USP15: variants seen among roughly 807,000 people sequenced by gnomAD.
USP15 encodes ubiquitin carboxyl-terminal hydrolase 15.
A neutral mutation model predicts 127.1 loss-of-function variants in USP15; 18 were observed. That is an observed-to-expected ratio of 0.14 (90% confidence interval 0.10 to 0.21). USP15 has a LOEUF of 0.21. USP15 is among the 10% of genes least tolerant of loss of function. The probability of loss-of-function intolerance (pLI) is 1.00; values close to 1 mark genes in which losing one functional copy is unlikely to be tolerated. For synonymous variants in USP15, 364 were observed against 393.7 expected (o/e 0.92, Z 0.89); for missense variants, 805 against 1,159.9 (o/e 0.69, Z 4.44).
intron 8 of USP15, among the ~76,000 whole-genome samples, chr12:62,364,369 G>A (rs1353748299): frequency 6.6e-6 from 1 of 152,136 alleles, no homozygotes; most frequent in Non-Finnish European, 1.5e-5. Context: ...ATTCAGAATA[G>A]TATAAATGTA....
intron 1 of USP15, among the ~76,000 whole-genome samples, chr12:62,283,769 C>T (rs1359507562): frequency 6.6e-6 from 1 of 152,118 alleles, no homozygotes; most frequent in East Asian, 1.9e-4. Flanking sequence ...ATGGCAAAAC[C>T]CGGTCTTTAC....
intron 6 of USP15, among the ~76,000 whole-genome samples, chr12:62,344,418 C>G (rs1451299569): frequency 1.3e-5 from 2 of 152,196 alleles, no homozygotes; most frequent in Non-Finnish European, 2.9e-5. Context: ...AGGTGGGCTC[C>G]CACAGCCTTG....
intron 8 of USP15, among the ~76,000 whole-genome samples, chr12:62,381,029 C>A (rs2066977070): frequency 6.6e-6 from 1 of 151,996 alleles, no homozygotes; most frequent in Non-Finnish European, 1.5e-5. Context: ...TTAAAGGCTG[C>A]TCTTTCATGA....
chr12:62,334,044 C>G (rs973478248), intron 6 of USP15: 1 of 152,034 alleles, frequency 6.6e-6, no homozygotes, highest in Non-Finnish European at 1.5e-5. Context: ...TCAAACTACT[C>G]CAGCAAAAGA....
chr12:62,414,443 T>G lies in USP15; in HGVS notation c.*10068T>G, dbSNP rs2068108580. Reference sequence around the variant, plus strand: ...GCAGCCTCCAGCCTCTGGGCTCAAGTGGTCCTCCCACCTCAGCCTCCGAAG... The same window carrying G: ...GCAGCCTCCAGCCTCTGGGCTCAAGGGGTCCTCCCACCTCAGCCTCCGAAG... On this transcript the variant is annotated 3_prime_UTR_variant, in exon 22 of 22. Transcript: ENST00000280377. 1 of 152,276 alleles carries G rather than the reference T, an allele frequency of 6.6e-6. No homozygotes were observed. Among genetic ancestry groups the G allele is most frequent in the African/African-American group, 2.4e-5 (1 of 41,434 alleles). The allele number at this position is 152,276 out of a possible 1,614,324, so 9.4% of individuals were successfully genotyped here.
chr12:62,262,921 AG>A (rs1176057718), intron 1 of USP15, among the ~76,000 whole-genome samples: 2 of 152,244 alleles, frequency 1.3e-5, no homozygotes, highest in African/African-American at 4.8e-5. Flanking sequence ...TTTCTCTTAA[AG>A]GAAAAAAACT....
chr12:62,399,831 G>A (rs181862067), intron 20 of USP15, among the ~76,000 whole-genome samples: 136 of 152,166 alleles, frequency 8.9e-4, no homozygotes, highest in Non-Finnish European at 7.8e-4. Context: ...TTGGCTGGTC[G>A]GTTGATTGGC....
intron 11 of USP15, among the ~76,000 whole-genome samples, chr12:62,385,381 A>G (rs2137586358): frequency 6.6e-6 from 1 of 152,088 alleles, no homozygotes; most frequent in South Asian, 2.1e-4. Flanking sequence ...TGATCTTACC[A>G]TTCAGGGATG....
intron 6 of USP15, among the ~76,000 whole-genome samples, chr12:62,326,299 A>G (rs530970839): frequency 1.4e-4 from 21 of 152,202 alleles, no homozygotes; most frequent in Non-Finnish European, 2.9e-4. Flanking sequence ...TGTGAAAGTA[A>G]TATATTTATT....
chr12:62,362,909 A>G (rs550879220), intron 8 of USP15, among the ~76,000 whole-genome samples: 2 of 152,310 alleles, frequency 1.3e-5, no homozygotes, highest in African/African-American at 4.8e-5. Flanking sequence ...GCTTTGACCA[A>G]AGAATATGTA....
chr12:62,379,934 G>T lies in USP15; in HGVS notation c.916-1556G>T, dbSNP rs2066938458. On this transcript the variant is annotated intron_variant, in intron 8 of 21. Transcript: ENST00000280377. ...AAACTCAAAAGGAGTATAAGATTAT[G>T]AGAGAGGTTGAGATCTAAGAGGTAA... 3.3e-5 allele frequency among the ~76,000 whole-genome samples: 5 copies of T among 152,022 alleles called. No individual in the cohort carries two copies. In the South Asian group the frequency reaches 1.0e-3, roughly 32 times the overall value.
At position 62,407,307 on chromosome 12, in the gene USP15, A is replaced by G. The variant is rs1274166547; in HGVS notation, c.*2932A>G. ...ACACAATTGCTATGGGGTAGAGCCA[A>G]TATTCTATCCTCAGATATATACTAC... On this transcript the variant is annotated 3_prime_UTR_variant, in exon 22 of 22. Coordinates refer to ENST00000280377, the MANE Select transcript of USP15 (RefSeq NM_001252078.2). 1.3e-5 allele frequency: 2 copies of G among 152,222 alleles called. No homozygotes were observed. The allele number at this position is 152,222 out of a possible 1,614,324, so 9.4% of individuals were successfully genotyped here.
intron 1 of USP15, among the ~76,000 whole-genome samples, chr12:62,286,357 A>G (rs908757884): frequency 7.9e-5 from 12 of 152,216 alleles, no homozygotes; most frequent in African/African-American, 2.9e-4. Context: ...TGAAATGGCT[A>G]TTATTAAAAA....
At position 62,294,306 on chromosome 12, in the gene USP15, G is replaced by A; in HGVS notation, c.217G>A (p.Asp73Asn). The A allele has an allele frequency of 6.2e-7, 1 of 1,602,916 alleles. No individual in the cohort carries two copies. Among genetic ancestry groups the A allele is most frequent in the Non-Finnish European group, 8.5e-7 (1 of 1,177,074 alleles). ...GPIDNSGLLK[D>N]GDAQSLKEHL... ...CATTGATAACTCTGGACTTCTCAAAGGTCATTATTTTCTTCCTTCAGTCAA... is the reference window on the plus strand; with the variant it reads ...CATTGATAACTCTGGACTTCTCAAAAGTCATTATTTTCTTCCTTCAGTCAA... Residue 73 changes from aspartate to asparagine, a missense_variant and splice_region_variant, in exon 2 of 22, where the codon GAT becomes AAT. Around this residue, in one of 11 missense-constraint regions of USP15, gnomAD observed 69 missense variants for 126.4 expected, o/e 0.55. Transcript: ENST00000280377.
At position 62,383,843 on chromosome 12, in the gene USP15, C is replaced by A; in HGVS notation, c.1093C>A (p.Gln365Lys). Residue 365 changes from glutamine (Q) to lysine (K), a missense_variant, in exon 10 of 22, where the codon CAG (glutamine) becomes AAG (lysine). Transcript: ENST00000280377. ...SYVTPRAFKT[Q>K]VGRFAPQFSG... ...GATGGTTTTGCATTTCTTACAGACA[C>A]AGGTAGGACGTTTTGCACCTCAGTT... The A allele has an allele frequency of 6.2e-7, 1 of 1,611,274 alleles. No homozygotes were observed. Among genetic ancestry groups the A allele is most frequent in the Non-Finnish European group, 8.5e-7 (1 of 1,178,440 alleles).
chr12:62,306,156 C>T (rs2064478553), intron 3 of USP15: 1 of 152,198 alleles, frequency 6.6e-6, no homozygotes, highest in African/African-American at 2.4e-5. Flanking sequence ...AGAAACTCTA[C>T]ACCAAATCAA....
rs540540492 is a variant in USP15 at position 62,319,643 on chromosome 12, C to T, written c.476-1821C>T. Among the ~76,000 whole-genome samples the T allele has an allele frequency of 5.3e-5, 8 of 152,232 alleles. No individual in the cohort carries two copies. In the East Asian group the frequency reaches 1.3e-3, roughly 26 times the overall value. Reference sequence around the variant, plus strand: ...GCACATTTGCACCTCAAGGCTTTTGCGTTACTACCCCTATGCCTGTAATGT... The same window carrying T: ...GCACATTTGCACCTCAAGGCTTTTGTGTTACTACCCCTATGCCTGTAATGT... On this transcript the variant is annotated intron_variant, in intron 4 of 21. Transcript: ENST00000280377.
chr12:62,387,131 A>G (rs1592714292), intron 11 of USP15, among the ~76,000 whole-genome samples: 1 of 152,202 alleles, frequency 6.6e-6, no homozygotes, highest in South Asian at 2.1e-4. Context: ...TTACAGATGC[A>G]TGAGGAACAC....
Position 62,408,237 on chromosome 12 carries a change from T to G in USP15, c.*3862T>G, listed in dbSNP as rs1361892253. The G allele has an allele frequency of 6.6e-6, 1 of 152,144 alleles. No individual in the cohort carries two copies. Among genetic ancestry groups the G allele is most frequent in the Non-Finnish European group, 1.5e-5 (1 of 68,026 alleles). 9.4% of individuals were successfully genotyped at this position (152,144 alleles called of 1,614,324 possible). A position where few individuals can be genotyped will look rare whatever the true frequency, so the allele number is the denominator to read the frequency against. ...TTAGACTGATAACGTTTAAGTCTGA[T>G]GTATGGTGACAAGAAAAAGGCCAAT... On this transcript the variant is annotated 3_prime_UTR_variant, in exon 22 of 22. Transcript: ENST00000280377.
Sources: gnomAD v4.1 joint callset for allele counts (sites outside exome capture counted in the v4.1 genomes callset) on GRCh38, gnomAD v4.1.1 for gene constraint, gnomAD v4.1.1 regional missense constraint, MANE v1.5 for transcripts, NCBI Gene and HGNC (gene_info 2026-07-23, HGNC 2026-07-21) for gene names.